The following FAM13C variants were observed in gnomAD, a reference collection of about 807,000 sequenced individuals.
The protein encoded by FAM13C is protein FAM13C.
Under a neutral mutation model 73.2 loss-of-function variants are expected in FAM13C, and 37 were observed. The ratio of observed to expected loss-of-function variants is 0.51; its 90% confidence interval spans 0.39 to 0.67. The LOEUF is 0.67. Among genes scored for constraint, FAM13C ranks in the 30% least tolerant of loss-of-function variants. FAM13C has a pLI of 0.00. For missense variants in FAM13C, 589 were observed against 715.6 expected (o/e 0.82, Z 2.02); for synonymous variants, 246 against 260.9 (o/e 0.94, Z 0.55).
At chr10:59,262,282 G>T in intron 10 of FAM13C, 152 bp downstream of exon 10, 1 of 649,898 alleles carries the variant, frequency 1.5e-6, no homozygotes, top group Non-Finnish European at 2.6e-6. Flanking sequence ...TACTGCTCGT[G>T]GCCAGTAACC....
intron 4 of FAM13C, among the ~76,000 whole-genome samples, chr10:59,315,311 T>C (rs1161898165): frequency 6.6e-6 from 1 of 152,208 alleles, no homozygotes; most frequent in African/African-American, 2.4e-5. Context: ...AATAATTATA[T>C]ATTAAGCAAA....
In FAM13C at chr10:59,334,377, A is replaced by C. The variant is rs145245723; in HGVS notation, c.325-10271T>G. Among the ~76,000 whole-genome samples, 284 of 152,344 alleles carry C rather than the reference A, an allele frequency of 1.9e-3. 2 individuals are homozygous for C. The highest frequency in any genetic ancestry group is 6.2e-3 in the African/African-American group (257 of 41,590). On this transcript the variant is annotated intron_variant, in intron 3 of 13. Coordinates refer to ENST00000618804, the MANE Select transcript of FAM13C (RefSeq NM_198215.4). ...ATGCCTAGGACTCACTTGCATGTTAATGGTAATTCAAATATGTCAAAACTT... is the reference window on the plus strand; with the variant it reads ...ATGCCTAGGACTCACTTGCATGTTACTGGTAATTCAAATATGTCAAAACTT...
At chr10:59,335,109 T>C (rs1473902068) in intron 3 of FAM13C, among the ~76,000 whole-genome samples, 1 of 152,190 alleles carries the variant, frequency 6.6e-6, no homozygotes, top group South Asian at 2.1e-4. Flanking sequence ...GCTGCTCAAA[T>C]AGCCTCTATG....
At chr10:59,343,485 T>C (rs1455519935) in intron 3 of FAM13C, among the ~76,000 whole-genome samples, 1 of 151,986 alleles carries the variant, frequency 6.6e-6, no homozygotes, top group Non-Finnish European at 1.5e-5. Context: ...ATTAGTGCTA[T>C]TGTCCAGTAT....
chr10:59,291,482 G>A (rs1227577097), intron 5 of FAM13C, among the ~76,000 whole-genome samples: 2 of 152,052 alleles, frequency 1.3e-5, no homozygotes, highest in African/African-American at 2.4e-5. Context: ...CTCACTCTCC[G>A]CCACCTCCCA....
At chr10:59,339,284 G>C (rs531652186) in intron 3 of FAM13C, among the ~76,000 whole-genome samples, 1 of 152,050 alleles carries the variant, frequency 6.6e-6, no homozygotes, top group Non-Finnish European at 1.5e-5. Context: ...AAGTGGACAC[G>C]AATTTGAAGG....
chr10:59,325,944 G>T (rs143012733), intron 3 of FAM13C, among the ~76,000 whole-genome samples: 4,558 of 152,098 alleles, frequency 0.03, 188 homozygotes, highest in African/African-American at 0.096. Context: ...CTCAATATAT[G>T]TAGGCATTAA....
chr10:59,308,879 C>T (rs118001235), intron 4 of FAM13C, among the ~76,000 whole-genome samples: 2 of 152,268 alleles, frequency 1.3e-5, no homozygotes, highest in South Asian at 2.1e-4. Context: ...CTTCTAGTGG[C>T]CTCCTCGCAG....
chr10:59,319,924 T>C (rs1291819406), intron 4 of FAM13C, among the ~76,000 whole-genome samples: 1 of 152,186 alleles, frequency 6.6e-6, no homozygotes, highest in Non-Finnish European at 1.5e-5. Flanking sequence ...GGGGAAAAGA[T>C]GGCATTAAGA....
chr10:59,352,349 G>C lies in FAM13C; in HGVS notation c.245C>G (p.Pro82Arg), dbSNP rs17853626. The C allele has an allele frequency of 6.2e-7, 1 of 1,614,142 alleles. No individual in the cohort carries two copies. Among genetic ancestry groups the C allele is most frequent in the Admixed American group, 1.7e-5 (1 of 60,016 alleles). The change falls in exon 3 of 14, where the codon CCC becomes CGC. Residue 82 changes from proline to arginine, a missense_variant. Transcript: ENST00000618804. ...ATVLVDSVLR[P>R]SMGNFKSRKP... ...CCTGGACTTGAAGTTGCCCATGCTG[G>C]GTCGCAATACGCTGTCCACCAGCAC...
In FAM13C at chr10:59,247,124, T is replaced by C. The variant is rs922113070; in HGVS notation, c.*490A>G. The C allele has an allele frequency of 6.4e-6, 1 of 156,460 alleles. No homozygotes were observed. Among genetic ancestry groups the C allele is most frequent in the Non-Finnish European group, 1.4e-5 (1 of 70,996 alleles). 9.7% of individuals were successfully genotyped at this position (156,460 alleles called of 1,614,324 possible). ...AAAGGACAAGGTAGTAAATGTTTTA[T>C]CACTCAAAAATCCATTAGAAGTTTC... On this transcript the variant is annotated 3_prime_UTR_variant, in exon 14 of 14. Coordinates refer to ENST00000618804, the MANE Select transcript of FAM13C (RefSeq NM_198215.4).
chr10:59,280,578 T>G (rs1054543693), intron 6 of FAM13C, among the ~76,000 whole-genome samples: 6 of 152,210 alleles, frequency 3.9e-5, no homozygotes, highest in Non-Finnish European at 8.8e-5. Flanking sequence ...GGAGGGTTTA[T>G]GAAACACACA....
intron 8 of FAM13C, among the ~76,000 whole-genome samples, chr10:59,266,903 TA>T (rs1843131335): frequency 6.6e-6 from 1 of 152,200 alleles, no homozygotes; most frequent in Non-Finnish European, 1.5e-5. Flanking sequence ...ACTCATAGAT[TA>T]AAAAGTTTGT....
intron 3 of FAM13C, among the ~76,000 whole-genome samples, chr10:59,344,935 G>A (rs767499983): frequency 5.3e-5 from 8 of 152,292 alleles, no homozygotes; most frequent in Admixed American, 2.6e-4. Context: ...CCCCATGGAC[G>A]CTCTTCTTCT....
intron 3 of FAM13C, among the ~76,000 whole-genome samples, chr10:59,345,990 A>C (rs1177824108): frequency 2.6e-5 from 4 of 152,218 alleles, no homozygotes; most frequent in African/African-American, 7.2e-5. Flanking sequence ...TCAAAGCCAT[A>C]ATCAGAACCT....
chr10:59,297,978 G>A (rs180985950), intron 5 of FAM13C, among the ~76,000 whole-genome samples: 6 of 151,950 alleles, frequency 3.9e-5, no homozygotes, highest in African/African-American at 9.7e-5. Context: ...TGAAATCCCC[G>A]CCATTGGAGG....
chr10:59,302,486 T>G (rs576988038), intron 5 of FAM13C, among the ~76,000 whole-genome samples: 1 of 152,118 alleles, frequency 6.6e-6, no homozygotes, highest in Non-Finnish European at 1.5e-5. Flanking sequence ...TAAGAGAAAA[T>G]TTTGCAAATG....
intron 8 of FAM13C, among the ~76,000 whole-genome samples, chr10:59,265,316 TTTTGGC>T (rs1242975962): frequency 0.018 from 34 of 1,848 alleles, 1 homozygote; most frequent in South Asian, 0.15. Flanking sequence ...AGGGAAGGGG[TTTTGGC>T]GGGGGGGGGG....
intron 5 of FAM13C, among the ~76,000 whole-genome samples, chr10:59,301,829 T>A (rs77209964): frequency 0.013 from 1,958 of 152,336 alleles, 20 homozygotes; most frequent in Admixed American, 0.022. Flanking sequence ...TTTAGGACAC[T>A]TTTTACCACT....
Sources: allele counts gnomAD v4.1 joint callset (sites outside exome capture counted in the v4.1 genomes callset), GRCh38; gene constraint gnomAD v4.1.1; transcripts MANE v1.5; gene names NCBI Gene and HGNC (gene_info 2026-07-23, HGNC 2026-07-21).